TM9SF3: variants seen among roughly 807,000 people sequenced by gnomAD.
The protein encoded by TM9SF3 is SM-11044-binding protein.
A neutral mutation model predicts 78.6 loss-of-function variants in TM9SF3; 14 were observed. That is an observed-to-expected ratio of 0.18 (90% CI 0.12 to 0.28). TM9SF3 has a LOEUF of 0.28. Ranked by LOEUF, TM9SF3 falls within the 10% of genes least tolerant of loss-of-function variation. The pLI, the probability that TM9SF3 is intolerant of heterozygous loss-of-function variation, is 1.00. For missense variants in TM9SF3, 496 were observed against 721.9 expected (o/e 0.69, Z 3.59); for synonymous variants, 231 against 241.7 (o/e 0.96, Z 0.41).
intron 8 of TM9SF3, among the ~76,000 whole-genome samples, chr10:96,545,557 C>T (rs1848087351): frequency 6.6e-6 from 1 of 152,130 alleles, no homozygotes. Flanking sequence ...ATTTTCTTTT[C>T]CTGCATTTTC....
intron 14 of TM9SF3, 62 bp downstream of exon 14, chr10:96,527,151 T>C: frequency 7.1e-7 from 1 of 1,401,842 alleles, no homozygotes; most frequent in East Asian, 2.3e-5. Context: ...CCAATTACTG[T>C]ATTTTTCGGA....
rs954893625 is a variant in TM9SF3, at chr10:96,585,929, T to C, written c.102+805A>G. On this transcript the variant is annotated intron_variant, in intron 1 of 14. Transcript: ENST00000371142. ...AGAGTCGTTCACATGCACGTTTTGA[T>C]GTGAGAATACCAATTAAACAAACTG... Among the ~76,000 whole-genome samples, 4 of 152,314 alleles carry C rather than the reference T, an allele frequency of 2.6e-5. No homozygotes were observed. In the East Asian group the frequency reaches 7.7e-4, roughly 29 times the overall value.
chr10:96,576,791 A>C lies in TM9SF3; in HGVS notation c.141T>G (p.Thr47=), dbSNP rs1287019817. 8 of 1,574,110 alleles carry C rather than the reference A, an allele frequency of 5.1e-6. No homozygotes were observed. Among genetic ancestry groups the C allele is most frequent in the Non-Finnish European group, 6.9e-6 (8 of 1,165,042 alleles). Reference sequence around the variant, plus strand: ...CTTGACGATTATGGTAGGGCCCAACAGTATTCATCCATAAGACAACTTCCT... The same window carrying C: ...CTTGACGATTATGGTAGGGCCCAACCGTATTCATCCATAAGACAACTTCCT... The part of the protein sequence containing the change: ...DKEEVVLWMN[T]VGPYHNRQET... Residue 47 remains threonine (T), a synonymous_variant, in exon 2 of 15, where the codon ACT becomes ACG. Coordinates refer to ENST00000371142, the MANE Select transcript of TM9SF3 (RefSeq NM_020123.4).
At chr10:96,569,422 C>T (rs1292858023) in intron 2 of TM9SF3, among the ~76,000 whole-genome samples, 1 of 152,180 alleles carries the variant, frequency 6.6e-6, no homozygotes, top group African/African-American at 2.4e-5. Flanking sequence ...TACTCAATAA[C>T]TGCTGAATTA....
intron 2 of TM9SF3, among the ~76,000 whole-genome samples, chr10:96,569,190 G>C (rs1187758181): frequency 6.6e-6 from 1 of 152,138 alleles, no homozygotes; most frequent in Non-Finnish European, 1.5e-5. Context: ...AAAAAGGATT[G>C]AAAGTGCCAA....
rs34141133 is a variant in TM9SF3 at position 96,580,264 on chromosome 10, T to TTGTG, written c.103-3439_103-3436dup. On this transcript the variant is annotated intron_variant, in intron 1 of 14. Coordinates refer to ENST00000371142, the MANE Select transcript of TM9SF3 (RefSeq NM_020123.4). ...CTTCCTCCCCTTTTCTGCTTCATCTTTGTGTGTGTGTGTGTGTGTGAGACG... is the reference window on the plus strand; with the variant it reads ...CTTCCTCCCCTTTTCTGCTTCATCTTTGTGTGTGTGTGTGTGTGTGTGTGAGACG... Among the ~76,000 whole-genome samples, 328 of 150,802 alleles carry TTGTG rather than the reference T, an allele frequency of 2.2e-3. 1 individual carries two copies. The highest frequency in any genetic ancestry group is 5.2e-3 in the African/African-American group (215 of 41,030).
Position 96,521,884 on chromosome 10 carries a change from T to C in TM9SF3, c.*379A>G, listed in dbSNP as rs1847779983. ...TAAGTGCCAGGAAGATTCCTATTCA[T>C]GTAATTTTAGCATCCAAGTTTCCCT... On this transcript the variant is annotated 3_prime_UTR_variant, in exon 15 of 15. Transcript: ENST00000371142. 5.8e-6 allele frequency: 1 copy of C among 171,804 alleles called. No individual in the cohort carries two copies. The allele number at this position is 171,804 out of a possible 1,614,324, so 10.6% of individuals were successfully genotyped here.
rs1031892185 is a variant in TM9SF3, at chr10:96,521,196, G to C, written c.*1067C>G. 1 of 293,600 alleles carries C rather than the reference G, an allele frequency of 3.4e-6. No homozygotes were observed. Among genetic ancestry groups the C allele is most frequent in the Non-Finnish European group, 6.3e-6 (1 of 159,718 alleles). The allele number at this position is 293,600 out of a possible 1,614,324, so 18.2% of individuals were successfully genotyped here. A position where few individuals can be genotyped will look rare whatever the true frequency, so the allele number is the denominator to read the frequency against. ...AGAAACCCCAATGTTTCATGCAATG[G>C]TAGGCAAGATGTAAAAGCCCACCCA... On this transcript the variant is annotated 3_prime_UTR_variant, in exon 15 of 15. Coordinates refer to ENST00000371142, the MANE Select transcript of TM9SF3 (RefSeq NM_020123.4).
At chr10:96,586,449 C>T (rs1307069219) in intron 1 of TM9SF3, among the ~76,000 whole-genome samples, 3 of 152,102 alleles carry the variant, frequency 2.0e-5, no homozygotes, top group Non-Finnish European at 4.4e-5. Flanking sequence ...TCCTTCCTGG[C>T]CCCAGGGTCC....
At chr10:96,582,935 T>C (rs4919035) in intron 1 of TM9SF3, among the ~76,000 whole-genome samples, 150,913 of 152,096 alleles carry the variant, frequency 0.99, 74,880 homozygotes, top group Middle Eastern at 1. Context: ...ACAAAATTAG[T>C]CAGGCACGGT....
chr10:96,546,810 TA>T (rs1401093171), intron 8 of TM9SF3, among the ~76,000 whole-genome samples: 1 of 152,222 alleles, frequency 6.6e-6, no homozygotes, highest in African/African-American at 2.4e-5. Flanking sequence ...CCCAGTCTAC[TA>T]AAAGAAGGCA....
chr10:96,528,821 G>A (rs1008816988), intron 11 of TM9SF3, among the ~76,000 whole-genome samples: 1 of 152,114 alleles, frequency 6.6e-6, no homozygotes, highest in Admixed American at 6.5e-5. Context: ...AGTTGGAGAA[G>A]TGAACAGGGC....
intron 8 of TM9SF3, 103 bp downstream of exon 8, chr10:96,547,792 C>T: frequency 1.0e-6 from 1 of 964,618 alleles, no homozygotes; most frequent in South Asian, 1.5e-5. Context: ...TGCACTCCAG[C>T]CTGGGTGATG....
intron 1 of TM9SF3, 138 bp from the exon 2 acceptor site, chr10:96,576,967 C>G (rs532337217): frequency 1.3e-5 from 8 of 597,944 alleles, no homozygotes; most frequent in African/African-American, 1.9e-5. Context: ...GAAGCTTAAT[C>G]TGATGATGAA....
In TM9SF3 at chr10:96,576,725, T is replaced by C. The variant is rs759624440; in HGVS notation, c.207A>G (p.Ser69=). The part of the protein sequence containing the change: ...KYFSLPFCVG[S]KKSISHYHET... ...CATGGTAATGACTGATACTTTTTTT[T>C]GACCCCACACAGAATGGAAGTGAAA... is the stretch of plus-strand genomic sequence containing the variant. The change falls in exon 2 of 15, where the codon TCA becomes TCG. Residue 69 remains serine, a synonymous_variant. Coordinates refer to ENST00000371142, the MANE Select transcript of TM9SF3 (RefSeq NM_020123.4). 1.2e-6 allele frequency: 2 copies of C among 1,612,044 alleles called. No homozygotes were observed. Among genetic ancestry groups the C allele is most frequent in the South Asian group, 2.2e-5 (2 of 90,776 alleles).
intron 9 of TM9SF3, among the ~76,000 whole-genome samples, chr10:96,537,639 C>A (rs959149489): frequency 6.6e-6 from 1 of 152,170 alleles, no homozygotes; most frequent in African/African-American, 2.4e-5. Flanking sequence ...TCGAGGCAAG[C>A]CTGGCCAACA....
chr10:96,553,073 A>T lies in TM9SF3; in HGVS notation c.661-14T>A. The stretch of plus-strand genomic sequence containing the variant: ...AAACCAATGAATCTAAAATAACAGA[A>T]AATAAAATGTTACCAACCTGCAATA... On this transcript the variant is annotated splice_polypyrimidine_tract_variant and intron_variant, in intron 5 of 14. Coordinates refer to ENST00000371142, the MANE Select transcript of TM9SF3 (RefSeq NM_020123.4). 6.3e-7 allele frequency: 1 copy of T among 1,582,130 alleles called. No individual in the cohort carries two copies. Among genetic ancestry groups the T allele is most frequent in the Non-Finnish European group, 8.5e-7 (1 of 1,169,994 alleles).
intron 5 of TM9SF3, among the ~76,000 whole-genome samples, chr10:96,556,197 C>T (rs1848232013): frequency 6.6e-6 from 1 of 151,988 alleles, no homozygotes; most frequent in African/African-American, 2.4e-5. Context: ...TGCATGCCAG[C>T]ACCCTCTAGT....
intron 3 of TM9SF3, 121 bp downstream of exon 3, chr10:96,565,183 T>TA (rs1233607837): frequency 4.1e-6 from 4 of 979,792 alleles, no homozygotes; most frequent in Non-Finnish European, 2.8e-6. Context: ...AATCATTCTG[T>TA]AAAAAACAGT....
Sources: allele counts gnomAD v4.1 joint callset (sites outside exome capture counted in the v4.1 genomes callset), GRCh38; gene constraint gnomAD v4.1.1; transcripts MANE v1.5; gene names NCBI Gene and HGNC (gene_info 2026-07-23, HGNC 2026-07-21).